The following PDE11A variants were observed in gnomAD, a reference collection of about 807,000 sequenced individuals.
PDE11A encodes phosphodiesterase 11A, also known as dual 3',5'-cyclic-AMP and -GMP phosphodiesterase 11A.
In PDE11A, 100 loss-of-function variants were observed where a neutral mutation model predicts 100.5. The ratio of observed to expected loss-of-function variants is 1.00; its 90% CI spans 0.85 to 1.18. The LOEUF is 1.18. Ranked by LOEUF, PDE11A falls within the 50% of genes most tolerant of loss-of-function variation. The pLI is 0.00. For synonymous variants in PDE11A, 381 were observed against 420.8 expected, an observed-to-expected ratio of 0.91 and a Z score of 1.16; for missense variants, 1,141 against 1,152.6, an observed-to-expected ratio of 0.99 and a Z score of 0.15.
At chr2:177,811,070 T>C (rs1418915673) in intron 9 of PDE11A, among the ~76,000 whole-genome samples, 1 of 152,158 alleles carries the variant, frequency 6.6e-6, no homozygotes, top group Non-Finnish European at 1.5e-5. Context: ...TAAGGCTTCA[T>C]TTGCAGTAAC....
chr2:178,040,932 C>CTTAT (rs1282808619), intron 1 of PDE11A, among the ~76,000 whole-genome samples: 6 of 152,086 alleles, frequency 3.9e-5, no homozygotes, highest in Admixed American at 3.3e-4. Context: ...TTTTTATCTA[C>CTTAT]TTATTTATTT....
intron 1 of PDE11A, among the ~76,000 whole-genome samples, chr2:178,069,100 C>T (rs1007780836): frequency 1.3e-5 from 2 of 152,140 alleles, no homozygotes; most frequent in Non-Finnish European, 2.9e-5. Context: ...TATCAGCAAA[C>T]TAGGTATCAT....
chr2:177,806,965 C>T lies in PDE11A; in HGVS notation c.1737+9864G>A, dbSNP rs550367161. 2.2e-4 allele frequency among the ~76,000 whole-genome samples: 34 copies of T among 151,904 alleles called. No homozygotes were observed. In the South Asian group the frequency reaches 6.2e-3, roughly 28 times the overall value. ...GATTCAACATATACGTAACTGGGTC[C>T]AGAAAGAGAGAGAGAATAGGAAAAA... On this transcript the variant is annotated intron_variant, in intron 9 of 19. Transcript: ENST00000286063.
At chr2:177,698,612 A>T (rs1036951769) in intron 14 of PDE11A, 17 of 152,146 alleles carry the variant, frequency 1.1e-4, no homozygotes, top group African/African-American at 3.9e-4. Flanking sequence ...TCAACTAGCA[A>T]ATTACGTCTT....
intron 7 of PDE11A, among the ~76,000 whole-genome samples, chr2:177,818,991 A>G (rs1229838529): frequency 6.6e-6 from 1 of 152,082 alleles, no homozygotes; most frequent in Non-Finnish European, 1.5e-5. Context: ...AACTATTAGC[A>G]TGTAACCAGG....
At chr2:177,738,903 C>G (rs992344387) in intron 10 of PDE11A, among the ~76,000 whole-genome samples, 2 of 152,212 alleles carry the variant, frequency 1.3e-5, no homozygotes, top group African/African-American at 4.8e-5. Context: ...GGTTCGTAAA[C>G]TAATAATAGA....
intron 9 of PDE11A, among the ~76,000 whole-genome samples, chr2:177,799,885 T>C (rs1214239423): frequency 6.6e-6 from 1 of 152,076 alleles, no homozygotes; most frequent in African/African-American, 2.4e-5. Flanking sequence ...AAAGAGTCAC[T>C]GCAAATAAAG....
intron 1 of PDE11A, among the ~76,000 whole-genome samples, chr2:178,068,002 A>T (rs1349967558): frequency 1.3e-5 from 2 of 152,190 alleles, no homozygotes; most frequent in African/African-American, 4.8e-5. Flanking sequence ...TATCATTATC[A>T]ACACTGACAA....
intron 10 of PDE11A, among the ~76,000 whole-genome samples, chr2:177,728,760 T>C (rs2081640032): frequency 1.3e-5 from 2 of 152,182 alleles, no homozygotes; most frequent in Admixed American, 6.5e-5. Context: ...CATAAGCCTA[T>C]GTTTCACTGA....
intron 15 of PDE11A, among the ~76,000 whole-genome samples, chr2:177,696,232 G>A (rs944152398): frequency 2.0e-5 from 3 of 152,178 alleles, no homozygotes; most frequent in African/African-American, 4.8e-5. Context: ...GAAGTTTGGA[G>A]TGAAGAATTT....
chr2:177,901,981 A>T (rs2084704687), intron 3 of PDE11A, among the ~76,000 whole-genome samples: 1 of 152,200 alleles, frequency 6.6e-6, no homozygotes, highest in Non-Finnish European at 1.5e-5. Flanking sequence ...TGCTTTATTA[A>T]TGAGTGATGG....
chr2:177,727,829 A>G (rs1013129282), intron 11 of PDE11A, 64 bp from the exon 12 acceptor site: 27 of 1,043,496 alleles, frequency 2.6e-5, no homozygotes, highest in Non-Finnish European at 3.8e-5. Flanking sequence ...CCTTATCTCA[A>G]TGGTGCCTTA....
chr2:177,628,982 G>C lies in PDE11A; in HGVS notation c.*425C>G. On this transcript the variant is annotated 3_prime_UTR_variant, in exon 20 of 20. Coordinates refer to ENST00000286063, the MANE Select transcript of PDE11A (RefSeq NM_016953.4). The stretch of plus-strand genomic sequence containing the variant: ...AGTCTGGCACAAAAAGGCATTCAGG[G>C]ACAGGAAGCAAAGACAGGCAGTGTT... 1 of 220,640 alleles carries C rather than the reference G, an allele frequency of 4.5e-6. No individual in the cohort carries two copies. The highest frequency in any genetic ancestry group is 9.1e-6 in the Non-Finnish European group (1 of 109,306). The allele number at this position is 220,640 out of a possible 1,614,324, so 13.7% of individuals were successfully genotyped here.
At chr2:178,064,189 A>C (rs1574378033) in intron 1 of PDE11A, among the ~76,000 whole-genome samples, 1 of 152,224 alleles carries the variant, frequency 6.6e-6, no homozygotes, top group African/African-American at 2.4e-5. Context: ...AGTCTAGAGC[A>C]TGTTCTGTCA....
At chr2:178,017,045 C>G (rs542757541) in intron 1 of PDE11A, among the ~76,000 whole-genome samples, 1 of 152,246 alleles carries the variant, frequency 6.6e-6, no homozygotes, top group East Asian at 1.9e-4. Flanking sequence ...AAATCTAAGA[C>G]AGCAGAGATT....
chr2:178,044,509 A>G (rs2086725768), intron 1 of PDE11A, among the ~76,000 whole-genome samples: 1 of 126,792 alleles, frequency 7.9e-6, no homozygotes, highest in African/African-American at 2.9e-5. Context: ...TATAATATAA[A>G]CAATATAAAA....
chr2:177,843,691 C>T (rs1436939699), intron 5 of PDE11A, among the ~76,000 whole-genome samples: 5 of 152,058 alleles, frequency 3.3e-5, no homozygotes, highest in Admixed American at 2.0e-4. Flanking sequence ...GGGTTGAGGC[C>T]GTTTCTAAAG....
chr2:177,749,544 T>A (rs1223729610), intron 10 of PDE11A, among the ~76,000 whole-genome samples: 1 of 152,178 alleles, frequency 6.6e-6, no homozygotes, highest in Non-Finnish European at 1.5e-5. Context: ...AGAAGCTAGT[T>A]TGCTTTGCTA....
At chr2:177,851,977 A>G (rs1216011184) in intron 5 of PDE11A, among the ~76,000 whole-genome samples, 1 of 151,636 alleles carries the variant, frequency 6.6e-6, no homozygotes, top group East Asian at 1.9e-4. Context: ...TTTAGCTCCC[A>G]CTTATAAGGG....
Sources: gnomAD v4.1 joint callset for allele counts (sites outside exome capture counted in the v4.1 genomes callset) on GRCh38, gnomAD v4.1.1 for gene constraint, MANE v1.5 for transcripts, NCBI Gene and HGNC (gene_info 2026-07-23, HGNC 2026-07-21) for gene names.